CBFB: variants seen among roughly 807,000 people sequenced by gnomAD.
CBFB encodes CBF-beta.
In CBFB, 9 loss-of-function variants were observed where a neutral mutation model predicts 30.4. The ratio of observed to expected loss-of-function variants is 0.30; its 90% CI spans 0.18 to 0.52. The LOEUF is 0.52. Ranked by LOEUF, CBFB falls within the 20% of genes least tolerant of loss-of-function variation. The pLI, the probability that CBFB is intolerant of heterozygous loss-of-function variation, is 0.97. For missense variants in CBFB, 170 were observed against 244.0 expected (o/e 0.70, Z 2.02); for synonymous variants, 94 against 84.0 (o/e 1.12, Z -0.65).
chr16:67,048,646 G>A (rs531419925), intron 3 of CBFB, among the ~76,000 whole-genome samples: 2 of 151,862 alleles, frequency 1.3e-5, no homozygotes, highest in African/African-American at 4.8e-5. Flanking sequence ...TGCCTCCCGG[G>A]TTCATGCCAT....
At chr16:67,090,124 G>A (rs1961841279) in intron 5 of CBFB, among the ~76,000 whole-genome samples, 1 of 152,162 alleles carries the variant, frequency 6.6e-6, no homozygotes, top group Non-Finnish European at 1.5e-5. Flanking sequence ...GAGGCTACCA[G>A]TTACTGTGGG....
At chr16:67,030,085 G>A (rs775651948) in intron 2 of CBFB, 41 of 397,808 alleles carry the variant, frequency 1.0e-4, no homozygotes, top group Non-Finnish European at 1.5e-4. Flanking sequence ...AACAAGCGAA[G>A]GGCATTGTTT....
At chr16:67,088,280 T>C (rs1961784384) in intron 5 of CBFB, among the ~76,000 whole-genome samples, 1 of 152,210 alleles carries the variant, frequency 6.6e-6, no homozygotes, top group Admixed American at 6.5e-5. Flanking sequence ...AATGTCACCT[T>C]ATTTTCTTGC....
Position 67,031,585 on chromosome 16 carries a change from G to T in CBFB, c.165+1772G>T, listed in dbSNP as rs534963822. 1.7e-3 allele frequency among the ~76,000 whole-genome samples: 254 copies of T among 152,240 alleles called. 1 individual carries two copies. Among genetic ancestry groups the T allele is most frequent in the African/African-American group, 5.9e-3 (243 of 41,538 alleles). On this transcript the variant is annotated intron_variant, in intron 2 of 5. Coordinates refer to ENST00000412916, the MANE Select transcript of CBFB (RefSeq NM_022845.3). ...AAGCACAGCAGCATGATCTTGGCTC[G>T]CTGCAACCTTCGCCTCCTGGGTTAA...
At chr16:67,058,965 A>C (rs372815791) in intron 3 of CBFB, among the ~76,000 whole-genome samples, 1 of 152,166 alleles carries the variant, frequency 6.6e-6, no homozygotes, top group African/African-American at 2.4e-5. Context: ...ACTGATGTGC[A>C]TGGGGGTCTT....
At chr16:67,049,480 G>A (rs1010002732) in intron 3 of CBFB, among the ~76,000 whole-genome samples, 3 of 151,956 alleles carry the variant, frequency 2.0e-5, no homozygotes, top group Non-Finnish European at 4.4e-5. Context: ...GGTATTATAA[G>A]CGTGAGCCAC....
intron 3 of CBFB, among the ~76,000 whole-genome samples, chr16:67,048,706 A>G (rs1379110913): frequency 6.7e-6 from 1 of 150,228 alleles, no homozygotes; most frequent in African/African-American, 2.5e-5. Flanking sequence ...GCCCGCCACC[A>G]CGCCTGGCTA....
At chr16:67,064,903 T>C (rs1338339088) in intron 3 of CBFB, among the ~76,000 whole-genome samples, 1 of 152,152 alleles carries the variant, frequency 6.6e-6, no homozygotes, top group East Asian at 1.9e-4. Context: ...TTTTTCTCTC[T>C]CTTTTTTTTG....
Position 67,099,085 on chromosome 16 carries a change from T to C in CBFB, c.*307T>C, listed in dbSNP as rs986157486. 1.3e-5 allele frequency: 4 copies of C among 312,036 alleles called. No individual in the cohort carries two copies. Among genetic ancestry groups the C allele is most frequent in the African/African-American group, 2.1e-5 (1 of 47,180 alleles). The allele number at this position is 312,036 out of a possible 1,614,324, so 19.3% of individuals were successfully genotyped here. A position where few individuals can be genotyped will look rare whatever the true frequency, so the allele number is the denominator to read the frequency against. On this transcript the variant is annotated 3_prime_UTR_variant, in exon 6 of 6. Coordinates refer to ENST00000412916, the MANE Select transcript of CBFB (RefSeq NM_022845.3). ...CTGTAAAGCTCCTTTTCTTCCACTT[T>C]AATTTAAAAGTTCATGTCATTTAAA...
chr16:67,081,966 G>T, intron 4 of CBFB: 1 of 196,626 alleles, frequency 5.1e-6, no homozygotes. Flanking sequence ...TTACAAACAT[G>T]CGCCACAACA....
At chr16:67,052,718 T>G (rs189640477) in intron 3 of CBFB, among the ~76,000 whole-genome samples, 3 of 152,200 alleles carry the variant, frequency 2.0e-5, no homozygotes, top group Admixed American at 1.3e-4. Context: ...TTGCAGCACT[T>G]TCAGAGGTTA....
chr16:67,067,493 G>A (rs1365129937), intron 4 of CBFB, among the ~76,000 whole-genome samples: 1 of 152,166 alleles, frequency 6.6e-6, no homozygotes, highest in Non-Finnish European at 1.5e-5. Context: ...ACTCCAGGCT[G>A]GGCAACAGAA....
chr16:67,085,243 C>T (rs1460191777), intron 5 of CBFB, among the ~76,000 whole-genome samples: 2 of 151,754 alleles, frequency 1.3e-5, no homozygotes, highest in Non-Finnish European at 2.9e-5. Flanking sequence ...AATGTCGGCT[C>T]ACCGCAACCT....
chr16:67,040,568 TCA>T lies in CBFB; in HGVS notation c.282+3816_282+3817del, dbSNP rs140251222. 5.2e-3 allele frequency among the ~76,000 whole-genome samples: 799 copies of T among 152,342 alleles called. 6 individuals carry two copies. Among genetic ancestry groups the T allele is most frequent in the African/African-American group, 0.018 (757 of 41,564 alleles). On this transcript the variant is annotated intron_variant, in intron 3 of 5. Coordinates refer to ENST00000412916, the MANE Select transcript of CBFB (RefSeq NM_022845.3). Reference sequence around the variant, plus strand: ...AGTGTTTTGACCACTACTGTACCTGTCACAGTTATCAAAAAATTTATTCATTC... The same window carrying T: ...AGTGTTTTGACCACTACTGTACCTGTCAGTTATCAAAAAATTTATTCATTC...
At chr16:67,092,066 C>T (rs1961900327) in intron 5 of CBFB, among the ~76,000 whole-genome samples, 1 of 152,122 alleles carries the variant, frequency 6.6e-6, no homozygotes, top group African/African-American at 2.4e-5. Context: ...CCCTTCCCCC[C>T]TACCCCTTGA....
chr16:67,044,770 A>C (rs565693383), intron 3 of CBFB, among the ~76,000 whole-genome samples: 1 of 152,330 alleles, frequency 6.6e-6, no homozygotes, highest in South Asian at 2.1e-4. Flanking sequence ...GGCAGAGTTT[A>C]CAGGACTTCT....
At chr16:67,075,429 C>T (rs1160284136) in intron 4 of CBFB, among the ~76,000 whole-genome samples, 1 of 152,108 alleles carries the variant, frequency 6.6e-6, no homozygotes, top group East Asian at 1.9e-4. Context: ...CAGAATGGTT[C>T]AAATGAAGAA....
In CBFB at chr16:67,100,537, C is replaced by G. The variant is rs1962190693; in HGVS notation, c.*1759C>G. ...GCTCACATGTTTACACACTCAGTGC[C>G]CTAATTTCCCCTGAGGGAATCGCTT... On this transcript the variant is annotated 3_prime_UTR_variant, in exon 6 of 6. Coordinates refer to ENST00000412916, the MANE Select transcript of CBFB (RefSeq NM_022845.3). 4.4e-6 allele frequency: 1 copy of G among 227,626 alleles called. No individual in the cohort carries two copies. The highest frequency in any genetic ancestry group is 8.7e-6 in the Non-Finnish European group (1 of 114,406). The allele number at this position is 227,626 out of a possible 1,614,324, so 14.1% of individuals were successfully genotyped here.
At position 67,100,695 on chromosome 16, in the gene CBFB, C is replaced by T. The variant is rs1031248742; in HGVS notation, c.*1917C>T. ...CCTCTATTGTCTAGCTAAGGGCTTT[C>T]GGTCCACCAGTAAATAAGATCAAAT... On this transcript the variant is annotated 3_prime_UTR_variant, in exon 6 of 6. Coordinates refer to ENST00000412916, the MANE Select transcript of CBFB (RefSeq NM_022845.3). 2 of 218,644 alleles carry T rather than the reference C, an allele frequency of 9.1e-6. No homozygotes were observed. The highest frequency in any genetic ancestry group is 1.4e-3 in the Middle Eastern group (1 of 712). 13.5% of individuals were successfully genotyped at this position (218,644 alleles called of 1,614,324 possible).
Sources: gnomAD v4.1 joint callset for allele counts (sites outside exome capture counted in the v4.1 genomes callset) on GRCh38, gnomAD v4.1.1 for gene constraint, MANE v1.5 for transcripts, NCBI Gene and HGNC (gene_info 2026-07-23, HGNC 2026-07-21) for gene names.